ADGRB1: variants seen among roughly 807,000 people sequenced by gnomAD.
ADGRB1 encodes the protein brain-specific angiogenesis inhibitor 1.
Under a neutral mutation model 175.7 loss-of-function variants are expected in ADGRB1, and 36 were observed. The observed-to-expected ratio is 0.20, with a 90% CI of 0.16 to 0.27. The LOEUF (loss-of-function observed/expected upper bound fraction) is 0.27, where lower values mean the gene tolerates loss of function less well. Among genes scored for constraint, ADGRB1 ranks in the 10% least tolerant of loss-of-function variants. The pLI is 1.00. For missense variants in ADGRB1, 1,731 were observed against 2,255.3 expected (o/e 0.77, Z 4.71); for synonymous variants, 1,054 against 979.4 (o/e 1.08, Z -1.42).
At chr8:142,481,756 G>A in intron 11 of ADGRB1, 45 bp downstream of exon 11, 1 of 1,461,650 alleles carries the variant, frequency 6.8e-7, no homozygotes, top group East Asian at 2.4e-5. Flanking sequence ...TCGGGAAGGT[G>A]TCTGGGGAGC....
chr8:142,475,729 C>G, intron 3 of ADGRB1, 94 bp downstream of exon 3: 1 of 68,420 alleles, frequency 1.5e-5, no homozygotes. Context: ...AGGAGGGGCC[C>G]GTGGGGGCGG....
chr8:142,457,672 G>A (rs1387759766), intron 1 of ADGRB1, among the ~76,000 whole-genome samples: 1 of 149,130 alleles, frequency 6.7e-6, no homozygotes, highest in Non-Finnish European at 1.5e-5. Flanking sequence ...GTTGACCAGT[G>A]GGGGTGTGGT....
chr8:142,490,352 G>A (rs1176652816), intron 16 of ADGRB1, among the ~76,000 whole-genome samples: 3 of 152,220 alleles, frequency 2.0e-5, no homozygotes, highest in African/African-American at 7.2e-5. Context: ...TGGCAAGGCT[G>A]TGTCCCAGGA....
At chr8:142,452,657 C>G (rs1182239729) in intron 1 of ADGRB1, among the ~76,000 whole-genome samples, 3 of 152,178 alleles carry the variant, frequency 2.0e-5, no homozygotes, top group African/African-American at 7.2e-5. Flanking sequence ...GGCCCGAGTC[C>G]CGAGACCATC....
intron 3 of ADGRB1, among the ~76,000 whole-genome samples, chr8:142,475,900 G>GCTGGCCCGTGGGAGTGGGGC (rs1554606873): frequency 5.3e-5 from 8 of 152,192 alleles, no homozygotes; most frequent in African/African-American, 1.9e-4. Flanking sequence ...TAAACTCGGG[G>GCTGGCCCGTGGGAGTGGGGC]CTGGCCCGTG....
At position 142,477,102 on chromosome 8, in the gene ADGRB1, T is replaced by C. The variant is rs768129205; in HGVS notation, c.1058-12T>C. ...GGGCGGCAGGCCTGTGACGCTGTAG[T>C]GGGGCCTGCAGGTGACCCAGCAGCC... On this transcript the variant is annotated splice_polypyrimidine_tract_variant and intron_variant, in intron 4 of 30. Transcript: ENST00000517894. 27 of 1,549,618 alleles carry C rather than the reference T, an allele frequency of 1.7e-5. No homozygotes were observed. The highest frequency in any genetic ancestry group is 2.3e-5 in the Non-Finnish European group (27 of 1,151,548).
At chr8:142,453,042 C>CCGCT (rs528898967) in intron 1 of ADGRB1, among the ~76,000 whole-genome samples, 24 of 142,382 alleles carry the variant, frequency 1.7e-4, no homozygotes, top group South Asian at 6.5e-4. Flanking sequence ...GCCCGCCCGC[C>CCGCT]CGCTCGCTCG....
At chr8:142,540,556 G>A (rs1845208664) in intron 27 of ADGRB1, among the ~76,000 whole-genome samples, 1 of 152,218 alleles carries the variant, frequency 6.6e-6, no homozygotes, top group African/African-American at 2.4e-5. Context: ...GTGCCAGCGA[G>A]GGGCCTGGGC....
chr8:142,484,622 TCCTC>T, intron 12 of ADGRB1, 30 bp from the exon 13 acceptor site: 2 of 1,577,568 alleles, frequency 1.3e-6, no homozygotes, highest in Non-Finnish European at 1.7e-6. Context: ...CAGTGGGGCC[TCCTC>T]CCTCGGCTGC....
chr8:142,453,155 G>A (rs574847366), intron 1 of ADGRB1, among the ~76,000 whole-genome samples: 2 of 152,104 alleles, frequency 1.3e-5, no homozygotes, highest in East Asian at 3.9e-4. Flanking sequence ...GCGGTGCGCT[G>A]GCGTGAGCGC....
At chr8:142,522,802 C>A in intron 22 of ADGRB1, 92 bp downstream of exon 22, 1 of 1,276,100 alleles carries the variant, frequency 7.8e-7, no homozygotes, top group Non-Finnish European at 1.0e-6. Context: ...CATGCCCTCC[C>A]CCCGTGTGAC....
intron 17 of ADGRB1, among the ~76,000 whole-genome samples, chr8:142,508,429 T>C (rs1587371945): frequency 6.6e-6 from 1 of 152,174 alleles, no homozygotes; most frequent in South Asian, 2.1e-4. Flanking sequence ...TGGGGTGTCA[T>C]TTGGAGCACC....
intron 24 of ADGRB1, among the ~76,000 whole-genome samples, chr8:142,528,575 C>T (rs1277866936): frequency 1.3e-5 from 2 of 151,968 alleles, no homozygotes; most frequent in East Asian, 1.9e-4. Flanking sequence ...TCGGGCGCGC[C>T]CTCAAGTGTG....
rs1845475170 is a variant in ADGRB1 at position 142,544,514 on chromosome 8, G to T, written c.*97G>T. On this transcript the variant is annotated 3_prime_UTR_variant, in exon 31 of 31. Transcript: ENST00000517894. ...GCACAGACACGCTCGCGGGCAGCGG[G>T]CCAGGCCCGCACCCCGGCCTCAGGG... is the stretch of plus-strand genomic sequence containing the variant. The T allele has an allele frequency of 1.5e-6, 2 of 1,338,036 alleles. No individual in the cohort carries two copies. The highest frequency in any genetic ancestry group is 1.9e-6 in the Non-Finnish European group (2 of 1,032,768). The allele number at this position is 1,338,036 out of a possible 1,614,324, so 82.9% of individuals were successfully genotyped here. A position where few individuals can be genotyped will look rare whatever the true frequency, so the allele number is the denominator to read the frequency against.
rs904785603 is a variant in ADGRB1 at position 142,544,933 on chromosome 8, C to T, written c.*516C>T. ...GGCCCCCAGGGGCAGGACTGAGTCC[C>T]CTCCAGGAAGAAGCAGGGGGGAATC... On this transcript the variant is annotated 3_prime_UTR_variant, in exon 31 of 31. Transcript: ENST00000517894. 7.2e-5 allele frequency: 11 copies of T among 153,034 alleles called. No individual in the cohort carries two copies. Among genetic ancestry groups the T allele is most frequent in the Admixed American group, 2.6e-4 (4 of 15,298 alleles). The allele number at this position is 153,034 out of a possible 1,614,324, so 9.5% of individuals were successfully genotyped here. A position where few individuals can be genotyped will look rare whatever the true frequency, so the allele number is the denominator to read the frequency against.
At chr8:142,501,716 TG>T (rs1281917542) in intron 17 of ADGRB1, among the ~76,000 whole-genome samples, 1 of 96,048 alleles carries the variant, frequency 1.0e-5, no homozygotes, top group Non-Finnish European at 2.2e-5. Context: ...GTGGTGATGG[TG>T]AGGGTGATGT....
chr8:142,534,935 C>G (rs768637678), intron 25 of ADGRB1, among the ~76,000 whole-genome samples: 8 of 152,214 alleles, frequency 5.3e-5, no homozygotes, highest in Non-Finnish European at 1.0e-4. Flanking sequence ...GAGCTCGTCA[C>G]AGGAGCTCAT....
At chr8:142,463,027 G>A (rs1840054115) in intron 1 of ADGRB1, among the ~76,000 whole-genome samples, 1 of 152,214 alleles carries the variant, frequency 6.6e-6, no homozygotes, top group South Asian at 2.1e-4. Context: ...TTTAGGGTCA[G>A]CCTGGGGCTC....
rs1845039735 is a variant in ADGRB1 at position 142,537,956 on chromosome 8, C to G, written c.3666+874C>G. ...TCACTAGACCTCCTGCTTCTGCACC[C>G]AGAGGCTAGCACACAGGGTGGAGCC... On this transcript the variant is annotated intron_variant, in intron 26 of 30. Transcript: ENST00000517894. This position sits in a 1 kb window ranked among gnomAD's most constrained non-coding sequence, Gnocchi z 4.6. Among the ~76,000 whole-genome samples the G allele has an allele frequency of 6.6e-6, 1 of 152,192 alleles. No individual in the cohort carries two copies. Among genetic ancestry groups the G allele is most frequent in the African/African-American group, 2.4e-5 (1 of 41,434 alleles).
Sources: allele counts gnomAD v4.1 joint callset (sites outside exome capture counted in the v4.1 genomes callset), GRCh38; gene constraint gnomAD v4.1.1; non-coding constraint Gnocchi (gnomAD v3.1); transcripts MANE v1.5; gene names NCBI Gene and HGNC (gene_info 2026-07-23, HGNC 2026-07-21).